HS3ST5: variants seen among roughly 807,000 people sequenced by gnomAD.
HS3ST5 encodes the protein heparan sulfate glucosamine 3-O-sulfotransferase 5.
In HS3ST5, 10 loss-of-function variants were observed where a neutral mutation model predicts 25.4. The ratio of observed to expected loss-of-function variants is 0.39; its 90% CI spans 0.24 to 0.67. The LOEUF (loss-of-function observed/expected upper bound fraction) is 0.67, where lower values mean the gene tolerates loss of function less well. HS3ST5 is among the 30% of genes least tolerant of loss of function. The pLI is 0.44. For synonymous variants in HS3ST5, 170 were observed against 162.4 expected (o/e 1.05, Z -0.36); for missense variants, 324 against 420.7 (o/e 0.77, Z 2.01).
intron 3 of HS3ST5, among the ~76,000 whole-genome samples, chr6:114,090,284 A>G (rs1323396874): frequency 6.6e-6 from 1 of 152,206 alleles, no homozygotes; most frequent in East Asian, 1.9e-4. Context: ...TGTGACTGAC[A>G]TAATTTGGCA....
chr6:114,192,590 C>G (rs1164379065), intron 2 of HS3ST5, among the ~76,000 whole-genome samples: 1 of 152,070 alleles, frequency 6.6e-6, no homozygotes, highest in Admixed American at 6.6e-5. Context: ...GTCAAAATTA[C>G]AAGACAAGAG....
At chr6:114,320,400 C>T (rs1775916632) in intron 1 of HS3ST5, among the ~76,000 whole-genome samples, 1 of 152,080 alleles carries the variant, frequency 6.6e-6, no homozygotes. Context: ...TCTGTATCTA[C>T]TCAGTGTCCA....
intron 3 of HS3ST5, among the ~76,000 whole-genome samples, chr6:114,120,789 T>C (rs1418912870): frequency 6.6e-6 from 1 of 152,220 alleles, no homozygotes; most frequent in Non-Finnish European, 1.5e-5. Context: ...CAAATTGGTT[T>C]TACAAATGTA....
chr6:114,308,444 G>A (rs139715811), intron 1 of HS3ST5, among the ~76,000 whole-genome samples: 5,737 of 152,072 alleles, frequency 0.038, 153 homozygotes, highest in Middle Eastern at 0.095. Context: ...AAAATTAGCC[G>A]GGCGTGGTGG....
rs1361533898 is a variant in HS3ST5 at position 114,056,382 on chromosome 6, T to G, written c.*875A>C. 2 of 152,004 alleles carry G rather than the reference T, an allele frequency of 1.3e-5. No homozygotes were observed. Among genetic ancestry groups the G allele is most frequent in the Admixed American group, 1.3e-4 (2 of 15,250 alleles). The allele number at this position is 152,004 out of a possible 1,614,324, so 9.4% of individuals were successfully genotyped here. A position where few individuals can be genotyped will look rare whatever the true frequency, so the allele number is the denominator to read the frequency against. On this transcript the variant is annotated 3_prime_UTR_variant, in exon 5 of 5. Transcript: ENST00000312719. ...GCACATCTTTCCAAGTGCTCTCATA[T>G]GCACGTAAACAGCTTCCATTTTGGA...
chr6:114,185,048 C>T (rs1223296431), intron 2 of HS3ST5, among the ~76,000 whole-genome samples: 2 of 152,126 alleles, frequency 1.3e-5, no homozygotes, highest in South Asian at 4.1e-4. Context: ...CCAAATCAGA[C>T]TTAGATGATA....
intron 3 of HS3ST5, chr6:114,132,390 C>T (rs1482077853): frequency 2.0e-5 from 3 of 152,148 alleles, no homozygotes; most frequent in Non-Finnish European, 4.4e-5. Context: ...TGTCTTATCA[C>T]GCCATATAAA....
At position 114,315,429 on chromosome 6, in the gene HS3ST5, G is replaced by A. The variant is rs1352669519; in HGVS notation, c.-339+26766C>T. On this transcript the variant is annotated intron_variant, in intron 1 of 4. Coordinates refer to ENST00000312719, the MANE Select transcript of HS3ST5 (RefSeq NM_153612.4). Reference sequence around the variant, plus strand: ...CTTTCAACAAACTACTAGAAACTTTGTTAAATGTATTTTAATAAAATAGAA... The same window carrying A: ...CTTTCAACAAACTACTAGAAACTTTATTAAATGTATTTTAATAAAATAGAA... Among the ~76,000 whole-genome samples the A allele has an allele frequency of 2.6e-5, 4 of 152,022 alleles. No homozygotes were observed. In the South Asian group the frequency reaches 8.3e-4, roughly 32 times the overall value.
At chr6:114,094,305 TACA>T (rs1357074116) in intron 3 of HS3ST5, among the ~76,000 whole-genome samples, 2 of 152,218 alleles carry the variant, frequency 1.3e-5, no homozygotes, top group Non-Finnish European at 2.9e-5. Flanking sequence ...CCTAAATATT[TACA>T]ACAAGTCAAA....
chr6:114,143,134 C>T (rs1777990126), intron 3 of HS3ST5: 1 of 152,172 alleles, frequency 6.6e-6, no homozygotes, highest in East Asian at 1.9e-4. Flanking sequence ...TCAGTGGTTG[C>T]TTTTCACTGG....
chr6:114,318,455 A>G (rs959609144), intron 1 of HS3ST5, among the ~76,000 whole-genome samples: 4 of 152,122 alleles, frequency 2.6e-5, no homozygotes. Context: ...TTTTTTAATA[A>G]CTGTCTGACA....
intron 2 of HS3ST5, among the ~76,000 whole-genome samples, chr6:114,173,491 A>C (rs1050308228): frequency 6.6e-6 from 1 of 152,228 alleles, no homozygotes; most frequent in Non-Finnish European, 1.5e-5. Flanking sequence ...AGAAATTTCT[A>C]ATGAACTCGC....
intron 3 of HS3ST5, among the ~76,000 whole-genome samples, chr6:114,119,437 C>CAGT (rs1220659670): frequency 6.6e-6 from 1 of 152,088 alleles, no homozygotes; most frequent in Non-Finnish European, 1.5e-5. Flanking sequence ...GTTGGGGAGG[C>CAGT]AGTGAGGGGA....
chr6:114,151,230 G>A (rs959847742), intron 3 of HS3ST5, among the ~76,000 whole-genome samples: 1 of 152,136 alleles, frequency 6.6e-6, no homozygotes, highest in Non-Finnish European at 1.5e-5. Flanking sequence ...CCGACACCAC[G>A]TAATAAAAAT....
chr6:114,316,494 A>G (rs1020319431), intron 1 of HS3ST5, among the ~76,000 whole-genome samples: 2 of 152,176 alleles, frequency 1.3e-5, no homozygotes, highest in African/African-American at 4.8e-5. Context: ...ACTGAAATCA[A>G]ATTGATGATT....
intron 1 of HS3ST5, among the ~76,000 whole-genome samples, chr6:114,340,927 G>T (rs374322227): frequency 6.6e-6 from 1 of 152,004 alleles, no homozygotes. Flanking sequence ...GTTTAGAAAG[G>T]AGCATTAGCA....
chr6:114,172,267 TTC>T (rs1189714056), intron 2 of HS3ST5, among the ~76,000 whole-genome samples: 3 of 152,204 alleles, frequency 2.0e-5, no homozygotes, highest in Non-Finnish European at 4.4e-5. Flanking sequence ...TGCCATCTGT[TTC>T]TGTTTCTTCC....
chr6:114,330,515 C>G (rs1294395255), intron 1 of HS3ST5, among the ~76,000 whole-genome samples: 2 of 152,210 alleles, frequency 1.3e-5, no homozygotes, highest in African/African-American at 4.8e-5. Flanking sequence ...GTTTAGGCAG[C>G]AGGGCCAAAG....
At chr6:114,335,592 T>G (rs1373752668) in intron 1 of HS3ST5, among the ~76,000 whole-genome samples, 1 of 152,130 alleles carries the variant, frequency 6.6e-6, no homozygotes, top group Non-Finnish European at 1.5e-5. Flanking sequence ...TCAAGTGAAC[T>G]TATAAAGCGA....
Sources: gnomAD v4.1 joint callset for allele counts (sites outside exome capture counted in the v4.1 genomes callset) on GRCh38, gnomAD v4.1.1 for gene constraint, MANE v1.5 for transcripts, NCBI Gene and HGNC (gene_info 2026-07-23, HGNC 2026-07-21) for gene names.